CDK14: variants seen among roughly 807,000 people sequenced by gnomAD.
CDK14 encodes cyclin-dependent kinase 14.
In CDK14, 34 loss-of-function variants were observed where a neutral mutation model predicts 60.7. The observed-to-expected ratio is 0.56, with a 90% CI of 0.43 to 0.75. The LOEUF (loss-of-function observed/expected upper bound fraction) is 0.75, where lower values mean the gene tolerates loss of function less well. Among genes scored for constraint, CDK14 ranks in the 30% least tolerant of loss-of-function variants. The pLI, the probability that CDK14 is intolerant of heterozygous loss-of-function variation, is 0.00. For synonymous variants in CDK14, 197 were observed against 203.7 expected (o/e 0.97, Z 0.28); for missense variants, 482 against 564.1 (o/e 0.85, Z 1.47).
At chr7:90,933,687 G>A (rs1405470159) in intron 8 of CDK14, among the ~76,000 whole-genome samples, 2 of 152,170 alleles carry the variant, frequency 1.3e-5, no homozygotes, top group African/African-American at 4.8e-5. Flanking sequence ...TATTTTCAAG[G>A]TCCAAATAGG....
intron 14 of CDK14, among the ~76,000 whole-genome samples, chr7:91,151,589 T>C (rs1800828889): frequency 6.6e-6 from 1 of 152,198 alleles, no homozygotes; most frequent in South Asian, 2.1e-4. Context: ...TTAAATAATA[T>C]TTGCCATGCT....
intron 10 of CDK14, among the ~76,000 whole-genome samples, chr7:90,995,318 A>G (rs1795654031): frequency 1.3e-5 from 2 of 152,152 alleles, no homozygotes; most frequent in South Asian, 4.1e-4. Context: ...GGCTTGACCT[A>G]AGCTTTGTGA....
intron 10 of CDK14, among the ~76,000 whole-genome samples, chr7:91,037,279 A>G (rs1373922758): frequency 6.6e-6 from 1 of 152,222 alleles, no homozygotes; most frequent in Non-Finnish European, 1.5e-5. Flanking sequence ...TCATCTGAAA[A>G]ATGTAAGACA....
At chr7:90,663,963 G>A (rs1800918183) in intron 2 of CDK14, among the ~76,000 whole-genome samples, 1 of 151,792 alleles carries the variant, frequency 6.6e-6, no homozygotes, top group Admixed American at 6.6e-5. Context: ...AAACTAAAGA[G>A]CTTCTGCACA....
At chr7:91,013,759 A>G (rs1392294998) in intron 10 of CDK14, among the ~76,000 whole-genome samples, 1 of 151,612 alleles carries the variant, frequency 6.6e-6, no homozygotes, top group African/African-American at 2.4e-5. Flanking sequence ...GTGTCTCACA[A>G]TGATAATCAC....
intron 12 of CDK14, among the ~76,000 whole-genome samples, chr7:91,091,501 T>TTTTATATATATATATATATATATA (rs1369809555): frequency 2.2e-5 from 2 of 88,972 alleles, no homozygotes; most frequent in African/African-American, 8.7e-5. Flanking sequence ...TTTATATATT[T>TTTTATATATATATATATATATATA]TATATATATA....
At chr7:90,793,709 C>T (rs933629942) in intron 5 of CDK14, among the ~76,000 whole-genome samples, 5 of 4,514 alleles carry the variant, frequency 1.1e-3, no homozygotes, top group African/African-American at 2.3e-3. Context: ...TTGGCATTTA[C>T]GTGAGAAACT....
At chr7:90,833,196 T>C (rs1476625678) in intron 5 of CDK14, among the ~76,000 whole-genome samples, 2 of 152,202 alleles carry the variant, frequency 1.3e-5, no homozygotes. Context: ...TTCCAACTAT[T>C]AGTTGATTGA....
intron 12 of CDK14, among the ~76,000 whole-genome samples, chr7:91,094,455 C>T (rs940470587): frequency 2.6e-5 from 4 of 152,166 alleles, no homozygotes; most frequent in Non-Finnish European, 5.9e-5. Flanking sequence ...GTATCACTGG[C>T]TACACTTGTT....
chr7:90,620,148 C>A (rs1229815712), intron 2 of CDK14, among the ~76,000 whole-genome samples: 1 of 152,132 alleles, frequency 6.6e-6, no homozygotes, highest in Non-Finnish European at 1.5e-5. Context: ...GTCTAGTTGG[C>A]AACCTGAGAA....
intron 2 of CDK14, among the ~76,000 whole-genome samples, chr7:90,696,774 G>T (rs1340627980): frequency 1.3e-5 from 2 of 152,172 alleles, no homozygotes; most frequent in East Asian, 1.9e-4. Context: ...GATGGCAAGA[G>T]GCCCAAGGTC....
chr7:91,173,439 A>G (rs553333541), intron 14 of CDK14, among the ~76,000 whole-genome samples: 1 of 151,192 alleles, frequency 6.6e-6, no homozygotes, highest in African/African-American at 2.4e-5. Context: ...TAAAAAAAAA[A>G]AGGTGGGGAG....
At chr7:91,161,284 G>A (rs1044357287) in intron 14 of CDK14, among the ~76,000 whole-genome samples, 1 of 152,176 alleles carries the variant, frequency 6.6e-6, no homozygotes, top group African/African-American at 2.4e-5. Context: ...GGACAGCCAG[G>A]ACATGCTATG....
At chr7:90,644,026 A>G (rs1488591265) in intron 2 of CDK14, among the ~76,000 whole-genome samples, 4 of 152,216 alleles carry the variant, frequency 2.6e-5, no homozygotes, top group Non-Finnish European at 2.9e-5. Context: ...AAATGAGATC[A>G]TAAGAGTAGG....
At chr7:90,893,456 A>G (rs148487753) in intron 6 of CDK14, among the ~76,000 whole-genome samples, 1 of 152,148 alleles carries the variant, frequency 6.6e-6, no homozygotes, top group African/African-American at 2.4e-5. Flanking sequence ...GCTTATTAGT[A>G]TGTCATCACA....
intron 2 of CDK14, among the ~76,000 whole-genome samples, chr7:90,640,483 A>T (rs572925869): frequency 7.7e-4 from 118 of 152,258 alleles, no homozygotes; most frequent in African/African-American, 2.7e-3. Context: ...TTAAGCATAA[A>T]TGTATTTATT....
At chr7:90,971,538 C>A (rs751619997) in intron 9 of CDK14, among the ~76,000 whole-genome samples, 15 of 150,666 alleles carry the variant, frequency 1.0e-4, no homozygotes, top group Non-Finnish European at 1.2e-4. Flanking sequence ...GATAGGATTT[C>A]AGAAGCATTC....
intron 3 of CDK14, among the ~76,000 whole-genome samples, chr7:90,743,035 A>C (rs1803417855): frequency 6.6e-6 from 1 of 152,124 alleles, no homozygotes; most frequent in South Asian, 2.1e-4. Context: ...ATTTTATACA[A>C]TATTTTAAAT....
intron 8 of CDK14, among the ~76,000 whole-genome samples, chr7:90,954,952 A>G (rs554454291): frequency 2.6e-5 from 4 of 151,472 alleles, no homozygotes; most frequent in Non-Finnish European, 4.4e-5. Context: ...GGAAAAAAAA[A>G]CAGACCTACA....
Sources: allele counts gnomAD v4.1 joint callset (sites outside exome capture counted in the v4.1 genomes callset), GRCh38; gene constraint gnomAD v4.1.1; transcripts MANE v1.5; gene names NCBI Gene and HGNC (gene_info 2026-07-23, HGNC 2026-07-21).